ADAM32: variants seen among roughly 807,000 people sequenced by gnomAD.
The protein encoded by ADAM32 is disintegrin and metalloproteinase domain-containing protein 32.
In ADAM32, 89 loss-of-function variants were observed where a neutral mutation model predicts 114.9. The ratio of observed to expected loss-of-function variants is 0.77; its 90% CI spans 0.65 to 0.92. The LOEUF is 0.92. Ranked by LOEUF, ADAM32 falls within the 40% of genes least tolerant of loss-of-function variation. ADAM32 has a pLI of 0.00. For synonymous variants in ADAM32, 285 were observed against 307.5 expected (o/e 0.93, Z 0.77); for missense variants, 870 against 932.8 (o/e 0.93, Z 0.88).
intron 11 of ADAM32, among the ~76,000 whole-genome samples, chr8:39,194,003 A>G (rs6474115): frequency 0.99 from 150,732 of 152,290 alleles, 74,609 homozygotes; most frequent in Middle Eastern, 1. Context: ...CGGTGGCGGC[A>G]CAGTGGGGTG....
chr8:39,133,579 C>T (rs1381409535), intron 2 of ADAM32, among the ~76,000 whole-genome samples: 1 of 152,178 alleles, frequency 6.6e-6, no homozygotes, highest in Non-Finnish European at 1.5e-5. Context: ...TGGGCCAGTC[C>T]TCAGGCTGTC....
intron 2 of ADAM32, among the ~76,000 whole-genome samples, chr8:39,119,906 A>G (rs1405561419): frequency 6.6e-6 from 1 of 152,192 alleles, no homozygotes; most frequent in Non-Finnish European, 1.5e-5. Context: ...AATTAAGGTT[A>G]TATGCTGTCA....
chr8:39,234,023 C>T lies in ADAM32; in HGVS notation c.1759C>T (p.Pro587Ser). 6.5e-7 allele frequency: 1 copy of T among 1,537,840 alleles called. No individual in the cohort carries two copies. Among genetic ancestry groups the T allele is most frequent in the South Asian group, 1.3e-5 (1 of 78,996 alleles). Residue 587 changes from proline to serine, a missense_variant, in exon 16 of 25, where the codon CCT becomes TCT. By Grantham distance (74) the Pro-to-Ser change is moderately conservative (BLOSUM62 -1). Transcript: ENST00000379907. The stretch of plus-strand genomic sequence containing the variant: ...ATGCATAACTGTAGACTACAAATTG[C>T]CTCGAACAGTTCCAGATCCACTGGC... ...SVCITVDYKL[P>S]RTVPDPLAVK...
intron 4 of ADAM32, among the ~76,000 whole-genome samples, chr8:39,148,359 A>C (rs1294188333): frequency 1.3e-5 from 2 of 152,044 alleles, no homozygotes; most frequent in Admixed American, 6.6e-5. Flanking sequence ...GTTCTTTCCC[A>C]ACAGACCCAT....
At chr8:39,114,470 A>G (rs1362802167) in intron 1 of ADAM32, among the ~76,000 whole-genome samples, 1 of 152,214 alleles carries the variant, frequency 6.6e-6, no homozygotes, top group East Asian at 1.9e-4. Flanking sequence ...GCGCACCACA[A>G]GCTAGAATTT....
At chr8:39,194,847 C>T (rs760657188) in intron 11 of ADAM32, among the ~76,000 whole-genome samples, 1 of 152,172 alleles carries the variant, frequency 6.6e-6, no homozygotes, top group Non-Finnish European at 1.5e-5. Flanking sequence ...TGACGCTGGT[C>T]ATGCTCTACT....
intron 9 of ADAM32, chr8:39,167,300 G>A (rs1030443167): frequency 6.6e-6 from 1 of 152,136 alleles, no homozygotes; most frequent in Non-Finnish European, 1.5e-5. Flanking sequence ...TGAATAGGGT[G>A]TCCTCTCCCC....
intron 17 of ADAM32, 108 bp from the exon 18 acceptor site, chr8:39,254,306 C>A: frequency 1.1e-6 from 1 of 870,702 alleles, no homozygotes; most frequent in Non-Finnish European, 1.7e-6. Flanking sequence ...GACTGTCGCT[C>A]TAAATAAACA....
At position 39,283,584 on chromosome 8, in the gene ADAM32, A is replaced by G. The variant is rs528298669; in HGVS notation, c.2319-2A>G. 14 of 1,596,098 alleles carry G rather than the reference A, an allele frequency of 8.8e-6. No individual in the cohort carries two copies. In the South Asian group the frequency reaches 1.6e-4, roughly 18 times the overall value. On this transcript the variant is annotated splice_acceptor_variant, in intron 23 of 24. Coordinates refer to ENST00000379907, the MANE Select transcript of ADAM32 (RefSeq NM_145004.7). LOFTEE classifies it high-confidence loss of function. ...AAAAATGTTATTTCCTTATTTCCTTAGATCCAAATCACAGGACAGTACCCA... is the reference window on the plus strand; with the variant it reads ...AAAAATGTTATTTCCTTATTTCCTTGGATCCAAATCACAGGACAGTACCCA...
intron 19 of ADAM32, among the ~76,000 whole-genome samples, chr8:39,265,620 T>C (rs982667944): frequency 6.6e-6 from 1 of 152,228 alleles, no homozygotes; most frequent in Non-Finnish European, 1.5e-5. Context: ...TAATTTGTGG[T>C]GGCAGGTAGC....
chr8:39,254,538 TACCC>T, intron 18 of ADAM32, 22 bp downstream of exon 18: 1 of 1,495,256 alleles, frequency 6.7e-7, no homozygotes, highest in Non-Finnish European at 9.0e-7. Context: ...TCTCTTTAAA[TACCC>T]ATTTAATAAA....
At position 39,142,620 on chromosome 8, in the gene ADAM32, C is replaced by T. The variant is rs535087798; in HGVS notation, c.201-4510C>T. ...TTTGTTGGTAAGCCAACCTTTCTCT[C>T]TGGCTGCCCTTAACATTTTTTCCTT... On this transcript the variant is annotated intron_variant, in intron 3 of 24. Coordinates refer to ENST00000379907, the MANE Select transcript of ADAM32 (RefSeq NM_145004.7). Among the ~76,000 whole-genome samples, 5 of 152,338 alleles carry T rather than the reference C, an allele frequency of 3.3e-5. No homozygotes were observed. The South Asian group carries it at 1.0e-3, about 32-fold the overall frequency.
At chr8:39,199,927 C>T (rs1378085507) in intron 11 of ADAM32, among the ~76,000 whole-genome samples, 1 of 152,092 alleles carries the variant, frequency 6.6e-6, no homozygotes, top group African/African-American at 2.4e-5. Context: ...CAGCTTCATC[C>T]ATGTCCCTAC....
At chr8:39,143,202 C>T (rs934578857) in intron 3 of ADAM32, among the ~76,000 whole-genome samples, 7 of 152,204 alleles carry the variant, frequency 4.6e-5, no homozygotes, top group Non-Finnish European at 1.0e-4. Flanking sequence ...CTGAAGCCTA[C>T]TTCTGTCAAC....
At chr8:39,201,800 C>T (rs997747778) in intron 11 of ADAM32, among the ~76,000 whole-genome samples, 1 of 152,138 alleles carries the variant, frequency 6.6e-6, no homozygotes, top group African/African-American at 2.4e-5. Context: ...GAGATACATC[C>T]TATCAATACT....
intron 11 of ADAM32, among the ~76,000 whole-genome samples, chr8:39,189,056 T>C (rs2129447308): frequency 6.6e-6 from 1 of 151,954 alleles, no homozygotes; most frequent in East Asian, 1.9e-4. Context: ...CAGGTGCCAG[T>C]AATACTAGCA....
At chr8:39,227,524 G>T (rs1006251507) in intron 14 of ADAM32, among the ~76,000 whole-genome samples, 1 of 152,136 alleles carries the variant, frequency 6.6e-6, no homozygotes, top group Admixed American at 6.5e-5. Flanking sequence ...CCTTCAGTTT[G>T]CATGGGAGCT....
chr8:39,109,768 G>C (rs1321176459), intron 1 of ADAM32, among the ~76,000 whole-genome samples: 2 of 151,984 alleles, frequency 1.3e-5, no homozygotes, highest in African/African-American at 4.8e-5. Context: ...TTTGCATTAG[G>C]GTTCATTCTC....
At position 39,246,159 on chromosome 8, in the gene ADAM32, G is replaced by C. The variant is rs940377883; in HGVS notation, c.1895G>C (p.Gly632Ala). The change falls in exon 17 of 25, where the codon GGA becomes GCA. Residue 632 changes from glycine (G) to alanine (A), a missense_variant. Gly to Ala is a moderately conservative substitution (Grantham distance 60). Transcript: ENST00000379907. The part of the protein sequence containing the change: ...SAHVCSQQCS[G>A]HGVCDSRNKC... Reference sequence around the variant, plus strand: ...CATGTTTGTTCACAACAGTGTTCTGGACATGGAGTAAGTAACCACATGTTT... The same window carrying C: ...CATGTTTGTTCACAACAGTGTTCTGCACATGGAGTAAGTAACCACATGTTT... 3 of 1,612,214 alleles carry C rather than the reference G, an allele frequency of 1.9e-6. No individual in the cohort carries two copies. The African/African-American group carries it at 4.0e-5, about 22-fold the overall frequency.
Sources: gnomAD v4.1 joint callset for allele counts (sites outside exome capture counted in the v4.1 genomes callset) on GRCh38, gnomAD v4.1.1 for gene constraint, MANE v1.5 for transcripts, NCBI Gene and HGNC (gene_info 2026-07-23, HGNC 2026-07-21) for gene names.